The following ZNF529 variants were observed in gnomAD, a reference collection of about 807,000 sequenced individuals.
ZNF529 encodes the protein zinc finger protein 529.
Under a neutral mutation model 10.1 loss-of-function variants are expected in ZNF529, and 11 were observed. The ratio of observed to expected loss-of-function variants is 1.09; its 90% CI spans 0.69 to 1.81. ZNF529 has a LOEUF of 1.81. ZNF529 is among the 40% of genes most tolerant of loss of function. The pLI is 0.00. For missense variants in ZNF529, 624 were observed against 666.8 expected, an observed-to-expected ratio of 0.94 and a Z score of 0.71; for synonymous variants, 204 against 215.7, an observed-to-expected ratio of 0.95 and a Z score of 0.47.
upstream of ZNF529, chr19:36,577,422 CAG>C: frequency 4.1e-6 from 1 of 242,080 alleles, no homozygotes; most frequent in South Asian, 3.9e-5. Context: ...CCCATTTATA[CAG>C]CTCTATTCTA....
chr19:36,582,267 C>T (rs1158708136), intron 2 of ZNF529: 2 of 152,050 alleles, frequency 1.3e-5, no homozygotes, highest in Non-Finnish European at 2.9e-5. Context: ...CTTAATGCTG[C>T]TGAGCTGTAT....
chr19:36,602,768 T>TA (rs1204118061), intron 1 of ZNF529, among the ~76,000 whole-genome samples: 1 of 151,910 alleles, frequency 6.6e-6, no homozygotes, highest in African/African-American at 2.4e-5. Flanking sequence ...CCGTCTCTAC[T>TA]AAAAATACAA....
upstream of ZNF529, among the ~76,000 whole-genome samples, chr19:36,575,095 T>C (rs557952827): frequency 1.8e-3 from 279 of 152,110 alleles, 2 homozygotes; most frequent in Non-Finnish European, 3.6e-3. Flanking sequence ...CTTTGTGGAG[T>C]AGGTAAGATC....
Position 36,544,730 on chromosome 19 carries a change from C to A in ZNF529, c.*2136G>T, listed in dbSNP as rs1479900424. On this transcript the variant is annotated 3_prime_UTR_variant, in exon 5 of 5. Coordinates refer to ENST00000591340, the MANE Select transcript of ZNF529 (RefSeq NM_020951.5). The stretch of plus-strand genomic sequence containing the variant: ...CATGAAACAACAACCAATTACATAT[C>A]TTTTAAAACTACTTGAATAAGCAAT... 1.3e-5 allele frequency: 2 copies of A among 152,166 alleles called. No individual in the cohort carries two copies. The highest frequency in any genetic ancestry group is 4.8e-5 in the African/African-American group (2 of 41,430). The allele number at this position is 152,166 out of a possible 1,614,324, so 9.4% of individuals were successfully genotyped here.
At position 36,545,307 on chromosome 19, in the gene ZNF529, C is replaced by T. The variant is rs2034968667; in HGVS notation, c.*1559G>A. ...CTTTGGGAGGCTGAGGCGGGTGGAT[C>T]ACCTGAGGTCGGGAGTTTGAGACCA... On this transcript the variant is annotated 3_prime_UTR_variant, in exon 5 of 5. Coordinates refer to ENST00000591340, the MANE Select transcript of ZNF529 (RefSeq NM_020951.5). 1 of 152,238 alleles carries T rather than the reference C, an allele frequency of 6.6e-6. No homozygotes were observed. Among genetic ancestry groups the T allele is most frequent in the African/African-American group, 2.4e-5 (1 of 41,418 alleles). The allele number at this position is 152,238 out of a possible 1,614,324, so 9.4% of individuals were successfully genotyped here.
In ZNF529 at chr19:36,563,206, G is replaced by C. The variant is rs570609783; in HGVS notation, c.15-7009C>G. Among the ~76,000 whole-genome samples, 3 of 152,212 alleles carry C rather than the reference G, an allele frequency of 2.0e-5. No individual in the cohort carries two copies. In the South Asian group the frequency reaches 6.2e-4, roughly 32 times the overall value. On this transcript the variant is annotated intron_variant, in intron 2 of 4. Coordinates refer to ENST00000591340, the MANE Select transcript of ZNF529 (RefSeq NM_020951.5). ...GGAGGGTGAGGCAGGTGGATCATGA[G>C]GTCAGGAGTTCGAGACCAGTCTGGC...
chr19:36,553,786 A>T (rs770135074), intron 4 of ZNF529, among the ~76,000 whole-genome samples: 5 of 152,202 alleles, frequency 3.3e-5, no homozygotes, highest in Non-Finnish European at 7.3e-5. Flanking sequence ...CGAATCTACA[A>T]TCTGAAATTC....
intron 1 of ZNF529, among the ~76,000 whole-genome samples, chr19:36,602,798 C>T (rs1360691889): frequency 3.9e-5 from 6 of 152,042 alleles, no homozygotes; most frequent in South Asian, 2.1e-4. Context: ...GGCATGGTGG[C>T]GCATGCCTGT....
At chr19:36,568,272 A>C (rs1009429155) in intron 2 of ZNF529, among the ~76,000 whole-genome samples, 2 of 152,178 alleles carry the variant, frequency 1.3e-5, no homozygotes, top group Admixed American at 6.5e-5. Context: ...AGAAAGTCAC[A>C]TTCAAAATGG....
Position 36,570,980 on chromosome 19 carries a change from G to A in ZNF529, c.14+1353C>T, listed in dbSNP as rs1027735675. On this transcript the variant is annotated intron_variant, in intron 2 of 4. Coordinates refer to ENST00000591340, the MANE Select transcript of ZNF529 (RefSeq NM_020951.5). Reference sequence around the variant, plus strand: ...ATTCTACAACAAGAAACTGTAAAGCGGAAAAATGAGTAACTATTAACCCCT... The same window carrying A: ...ATTCTACAACAAGAAACTGTAAAGCAGAAAAATGAGTAACTATTAACCCCT... 2.6e-5 allele frequency among the ~76,000 whole-genome samples: 4 copies of A among 152,106 alleles called. No individual in the cohort carries two copies. The East Asian group carries it at 5.8e-4, about 22-fold the overall frequency.
At chr19:36,556,028 T>G in intron 3 of ZNF529, 76 bp downstream of exon 3, 1 of 1,458,618 alleles carries the variant, frequency 6.9e-7, no homozygotes, top group Non-Finnish European at 9.4e-7. Flanking sequence ...GTGGTACAGG[T>G]TCTTTGACAG....
At chr19:36,578,348 C>T (rs1053329629) in intron 2 of ZNF529, among the ~76,000 whole-genome samples, 13 of 112,856 alleles carry the variant, frequency 1.2e-4, no homozygotes, top group Non-Finnish European at 1.7e-4. Flanking sequence ...CTCTGTTGCC[C>T]AGGCTGGAGT....
chr19:36,584,000 CAATTTT>C (rs772744842), intron 2 of ZNF529, among the ~76,000 whole-genome samples: 7 of 151,862 alleles, frequency 4.6e-5, no homozygotes, highest in Non-Finnish European at 8.8e-5. Flanking sequence ...AAATTAAACT[CAATTTT>C]AAGATGAGGA....
chr19:36,590,884 A>G (rs1457487122), intron 1 of ZNF529, among the ~76,000 whole-genome samples: 3 of 147,876 alleles, frequency 2.0e-5, no homozygotes, highest in Non-Finnish European at 4.5e-5. Flanking sequence ...GAGCTGAGAT[A>G]GTGCCACTGC....
chr19:36,596,161 G>A (rs2036837238), intron 1 of ZNF529, among the ~76,000 whole-genome samples: 1 of 144,424 alleles, frequency 6.9e-6, no homozygotes, highest in Non-Finnish European at 1.5e-5. Flanking sequence ...TGCCTCCTGG[G>A]TTCAAGAACC....
At chr19:36,559,285 A>G (rs1256594816) in intron 2 of ZNF529, among the ~76,000 whole-genome samples, 1 of 152,248 alleles carries the variant, frequency 6.6e-6, no homozygotes, top group African/African-American at 2.4e-5. Flanking sequence ...CTGGCTATAC[A>G]GCCAAAAGAA....
At chr19:36,557,257 A>G (rs1282069094) in intron 2 of ZNF529, among the ~76,000 whole-genome samples, 1 of 152,234 alleles carries the variant, frequency 6.6e-6, no homozygotes, top group Non-Finnish European at 1.5e-5. Flanking sequence ...CCAATGAGCA[A>G]CATCAGAGAT....
At chr19:36,590,510 G>A (rs1400227835) in intron 1 of ZNF529, among the ~76,000 whole-genome samples, 1 of 151,998 alleles carries the variant, frequency 6.6e-6, no homozygotes, top group Non-Finnish European at 1.5e-5. Flanking sequence ...ACTTTAAAAG[G>A]CTAGAAAAGG....
intron 2 of ZNF529, among the ~76,000 whole-genome samples, chr19:36,578,773 G>A (rs1250191134): frequency 6.6e-6 from 1 of 151,684 alleles, no homozygotes; most frequent in African/African-American, 2.4e-5. Context: ...GCTGATTTTT[G>A]TGTTTTTAGT....
Sources: allele counts gnomAD v4.1 joint callset (sites outside exome capture counted in the v4.1 genomes callset), GRCh38; gene constraint gnomAD v4.1.1; transcripts MANE v1.5; gene names NCBI Gene and HGNC (gene_info 2026-07-23, HGNC 2026-07-21).